MED13L: variants seen among roughly 807,000 people sequenced by gnomAD.
The protein encoded by MED13L is mediator complex subunit 13L, also known as mediator of RNA polymerase II transcription subunit 13-like.
A neutral mutation model predicts 220.9 loss-of-function variants in MED13L; 7 were observed. The observed-to-expected ratio is 0.03, with a 90% CI of 0.02 to 0.06. The LOEUF (loss-of-function observed/expected upper bound fraction) is 0.06. MED13L is among the 10% of genes least tolerant of loss of function. The pLI, the probability that MED13L is intolerant of heterozygous loss-of-function variation, is 1.00. For synonymous variants in MED13L, 1,011 were observed against 1,015.2 expected (o/e 1.00, Z 0.08); for missense variants, 1,965 against 2,760.5 (o/e 0.71, Z 6.46).
Position 115,986,358 on chromosome 12 carries a change from G to T in MED13L, c.4246C>A (p.Arg1416Ser). The T allele has an allele frequency of 6.2e-7, 1 of 1,614,070 alleles. No individual in the cohort carries two copies. Among genetic ancestry groups the T allele is most frequent in the East Asian group, 2.2e-5 (1 of 44,868 alleles). ...RLLLDPYGGH[R>S]DVAYIVVCPE... Reference sequence around the variant, plus strand: ...CACACCACAATATAGGCAACATCACGGTGGCCCCCATATGGGTCCAACAAG... The same window carrying T: ...CACACCACAATATAGGCAACATCACTGTGGCCCCCATATGGGTCCAACAAG... Residue 1416 changes from arginine (R) to serine (S), a missense_variant, in exon 19 of 31, where the codon CGT (arginine) becomes AGT (serine). Transcript: ENST00000281928.
At position 116,111,510 on chromosome 12, in the gene MED13L, C is replaced by T. The variant is rs548302905; in HGVS notation, c.313G>A (p.Val105Met). The T allele has an allele frequency of 3.8e-6, 6 of 1,561,450 alleles. No individual in the cohort carries two copies. Among genetic ancestry groups the T allele is most frequent in the Non-Finnish European group, 5.2e-6 (6 of 1,152,660 alleles). The change falls in exon 3 of 31, where the codon GTG (valine) becomes ATG (methionine). Residue 105 changes from valine (V) to methionine (M), a missense_variant and splice_region_variant. By Grantham distance (21) the Val-to-Met change is conservative. Around this residue, in one of 10 missense-constraint regions of MED13L, gnomAD observed 818 missense variants for 1,041.2 expected, o/e 0.79. Coordinates refer to ENST00000281928, the MANE Select transcript of MED13L (RefSeq NM_015335.5). The part of the protein sequence containing the change: ...VGVIHHELQV[V>M]EEGLWENGLS... ...CCATTTTCCCAGAGTCCTTCTTCCA[C>T]AACTGAAAAAAAAAAGAAAAAAGAA...
chr12:116,232,903 A>G (rs926689745), intron 2 of MED13L, among the ~76,000 whole-genome samples: 2 of 152,146 alleles, frequency 1.3e-5, no homozygotes, highest in African/African-American at 4.8e-5. Flanking sequence ...CCTGGCCAAC[A>G]TGGTGAAACC....
At chr12:116,117,330 T>C in intron 2 of MED13L, among the ~76,000 whole-genome samples, 1 of 152,266 alleles carries the variant, frequency 6.6e-6, no homozygotes, top group Non-Finnish European at 1.5e-5. Flanking sequence ...TGAGGGGTGA[T>C]GCCCCCCACT....
intron 3 of MED13L, among the ~76,000 whole-genome samples, chr12:116,105,195 C>T (rs1873451647): frequency 6.6e-6 from 1 of 152,054 alleles, no homozygotes; most frequent in Non-Finnish European, 1.5e-5. Context: ...GAGTGTGAGG[C>T]AATCTGAACT....
intron 2 of MED13L, among the ~76,000 whole-genome samples, chr12:116,177,216 C>T (rs1880138460): frequency 6.6e-6 from 1 of 152,118 alleles, no homozygotes; most frequent in Non-Finnish European, 1.5e-5. Flanking sequence ...TCCCTCATGA[C>T]CCCTCCCCAG....
intron 2 of MED13L, among the ~76,000 whole-genome samples, chr12:116,149,460 T>A (rs1208953430): frequency 6.6e-6 from 1 of 152,234 alleles, no homozygotes; most frequent in Non-Finnish European, 1.5e-5. Context: ...GAAACATGCT[T>A]CCCGCATTTT....
intron 3 of MED13L, among the ~76,000 whole-genome samples, chr12:116,109,271 A>G (rs1873880062): frequency 6.6e-6 from 1 of 151,714 alleles, no homozygotes; most frequent in Non-Finnish European, 1.5e-5. Context: ...TGGTCTCACC[A>G]TGTTTCCCAG....
chr12:116,116,518 C>A (rs891246580), intron 2 of MED13L, among the ~76,000 whole-genome samples: 1 of 152,138 alleles, frequency 6.6e-6, no homozygotes. Flanking sequence ...TTGTAATAAA[C>A]CAGTAAACAT....
intron 2 of MED13L, among the ~76,000 whole-genome samples, chr12:116,132,461 T>C (rs889940342): frequency 3.3e-5 from 5 of 152,094 alleles, no homozygotes; most frequent in Non-Finnish European, 7.4e-5. Flanking sequence ...TCTTTTAAAA[T>C]ATTATCGGAT....
chr12:116,233,825 T>A (rs1184127930), intron 2 of MED13L, among the ~76,000 whole-genome samples: 1 of 152,174 alleles, frequency 6.6e-6, no homozygotes, highest in Non-Finnish European at 1.5e-5. Context: ...ACCACACGCA[T>A]TAACAATTCC....
At chr12:116,128,720 T>TA (rs1439929704) in intron 2 of MED13L, among the ~76,000 whole-genome samples, 1 of 152,238 alleles carries the variant, frequency 6.6e-6, no homozygotes, top group Non-Finnish European at 1.5e-5. Flanking sequence ...ATCAGTCGTG[T>TA]TCATTATATC....
At chr12:116,076,857 T>C (rs1870842963) in intron 4 of MED13L, among the ~76,000 whole-genome samples, 2 of 152,342 alleles carry the variant, frequency 1.3e-5, no homozygotes, top group South Asian at 4.1e-4. Flanking sequence ...TCACCATCTT[T>C]TATACATCTT....
At chr12:116,042,062 A>C (rs1881565579) in intron 4 of MED13L, among the ~76,000 whole-genome samples, 1 of 152,230 alleles carries the variant, frequency 6.6e-6, no homozygotes, top group Admixed American at 6.5e-5. Context: ...TATTGTTAGA[A>C]TAGTAATTGC....
intron 4 of MED13L, among the ~76,000 whole-genome samples, chr12:116,024,768 C>T (rs1360725398): frequency 1.3e-4 from 1 of 7,722 alleles, no homozygotes; most frequent in African/African-American, 7.1e-4. Context: ...TTTTTTTTGG[C>T]GGGGCGGGGG....
In MED13L at chr12:116,251,557, A is replaced by T. The variant is rs1343055051; in HGVS notation, c.73-13852T>A. On this transcript the variant is annotated intron_variant, in intron 1 of 30. Transcript: ENST00000281928. Reference sequence around the variant, plus strand: ...GGCATATCACGAGGTCAGGAGATCGAGACCATCCTGGCTAACACAGTGAAA... The same window carrying T: ...GGCATATCACGAGGTCAGGAGATCGTGACCATCCTGGCTAACACAGTGAAA... Among the ~76,000 whole-genome samples, 3 of 150,114 alleles carry T rather than the reference A, an allele frequency of 2.0e-5. No homozygotes were observed. The East Asian group carries it at 6.0e-4, about 30-fold the overall frequency.
chr12:116,123,488 A>T (rs747143455), intron 2 of MED13L, among the ~76,000 whole-genome samples: 9 of 152,208 alleles, frequency 5.9e-5, no homozygotes, highest in Non-Finnish European at 1.3e-4. Context: ...TGATTTCAAC[A>T]TTAGCACAAT....
Position 116,004,074 on chromosome 12 carries a change from T to C in MED13L, c.2470-972A>G, listed in dbSNP as rs79216770. On this transcript the variant is annotated intron_variant, in intron 13 of 30. Coordinates refer to ENST00000281928, the MANE Select transcript of MED13L (RefSeq NM_015335.5). Reference sequence around the variant, plus strand: ...AAGCTTAATAGTAATTCATAATTTATACAAAGAATAAGTTCAGTGGCCCAG... The same window carrying C: ...AAGCTTAATAGTAATTCATAATTTACACAAAGAATAAGTTCAGTGGCCCAG... Among the ~76,000 whole-genome samples, 417 of 152,350 alleles carry C rather than the reference T, an allele frequency of 2.7e-3. 2 individuals carry two copies. The highest frequency in any genetic ancestry group is 4.9e-3 in the Non-Finnish European group (336 of 68,038).
At chr12:115,995,481 T>C (rs932108844) in intron 16 of MED13L, among the ~76,000 whole-genome samples, 1 of 152,236 alleles carries the variant, frequency 6.6e-6, no homozygotes, top group African/African-American at 2.4e-5. Flanking sequence ...TGGAGTGCAG[T>C]AGTGCAATCT....
At chr12:115,998,332 A>G (rs1878533204) in intron 14 of MED13L, among the ~76,000 whole-genome samples, 1 of 152,226 alleles carries the variant, frequency 6.6e-6, no homozygotes, top group African/African-American at 2.4e-5. Flanking sequence ...TTCCTATCCT[A>G]TTGCTCTTTC....
Sources: gnomAD v4.1 joint callset for allele counts (sites outside exome capture counted in the v4.1 genomes callset) on GRCh38, gnomAD v4.1.1 for gene constraint, gnomAD v4.1.1 regional missense constraint, MANE v1.5 for transcripts, NCBI Gene and HGNC (gene_info 2026-07-23, HGNC 2026-07-21) for gene names.